The following SDHAF3 variants were observed in gnomAD, a reference collection of about 807,000 sequenced individuals.
SDHAF3 encodes succinate dehydrogenase complex assembly factor 3, also known as succinate dehydrogenase assembly factor 3, mitochondrial.
SDHAF3 carries 18 observed loss-of-function variants against 11.5 expected under a neutral mutation model. That is an observed-to-expected ratio of 1.56 (90% CI 1.08 to 2.32). The LOEUF (loss-of-function observed/expected upper bound fraction) is 2.32. Ranked by LOEUF, SDHAF3 falls within the 30% of genes most tolerant of loss-of-function variation. The probability of loss-of-function intolerance (pLI) is 0.00; values close to 1 mark genes in which losing one functional copy is unlikely to be tolerated. For missense variants in SDHAF3, 200 were observed against 154.4 expected, an observed-to-expected ratio of 1.30 and a Z score of -1.57; for synonymous variants, 72 against 59.3, an observed-to-expected ratio of 1.21 and a Z score of -0.99.
At chr7:97,133,598 G>T (rs1338560838) in intron 1 of SDHAF3, among the ~76,000 whole-genome samples, 1 of 152,092 alleles carries the variant, frequency 6.6e-6, no homozygotes, top group Non-Finnish European at 1.5e-5. Flanking sequence ...TTCTGTTGAG[G>T]TATTATTGTT....
At chr7:97,138,412 C>T (rs1206936860) in intron 1 of SDHAF3, among the ~76,000 whole-genome samples, 1 of 152,198 alleles carries the variant, frequency 6.6e-6, no homozygotes, top group Non-Finnish European at 1.5e-5. Context: ...ATCCACCTGC[C>T]TTGGCCTCCC....
At chr7:97,140,042 T>C (rs1413689084) in intron 1 of SDHAF3, among the ~76,000 whole-genome samples, 1 of 152,170 alleles carries the variant, frequency 6.6e-6, no homozygotes, top group African/African-American at 2.4e-5. Context: ...CATTAAAAAC[T>C]GTGCAAAATC....
At position 97,157,039 on chromosome 7, in the gene SDHAF3, G is replaced by C. The variant is rs57083772; in HGVS notation, c.175-23973G>C. 4.9e-3 allele frequency among the ~76,000 whole-genome samples: 749 copies of C among 152,090 alleles called. 8 individuals are homozygous for C. The highest frequency in any genetic ancestry group is 0.017 in the African/African-American group (708 of 41,498). On this transcript the variant is annotated intron_variant, in intron 1 of 1. Transcript: ENST00000432641. ...CTCATTGTTCACCTCCCACTTTTAA[G>C]TGAGAACATGTGGTGTTTGGTTTTC... is the stretch of plus-strand genomic sequence containing the variant.
chr7:97,124,904 G>T (rs138966933), intron 1 of SDHAF3, among the ~76,000 whole-genome samples: 10 of 152,208 alleles, frequency 6.6e-5, no homozygotes, highest in Non-Finnish European at 5.9e-5. Flanking sequence ...GGGCTGAGAC[G>T]ATGGGGTTTT....
At chr7:97,121,808 G>T (rs7789931) in intron 1 of SDHAF3, among the ~76,000 whole-genome samples, 1 of 151,296 alleles carries the variant, frequency 6.6e-6, no homozygotes, top group African/African-American at 2.4e-5. Flanking sequence ...ATATGCAGAG[G>T]CATCGAGGTA....
At chr7:97,159,075 A>G (rs547308839) in intron 1 of SDHAF3, among the ~76,000 whole-genome samples, 1 of 152,364 alleles carries the variant, frequency 6.6e-6, no homozygotes, top group South Asian at 2.1e-4. Flanking sequence ...ATTATTTTCC[A>G]GCAAAATGGC....
chr7:97,124,904 G>A (rs138966933), intron 1 of SDHAF3, among the ~76,000 whole-genome samples: 2,994 of 152,206 alleles, frequency 0.02, 42 homozygotes, highest in South Asian at 0.051. Context: ...GGGCTGAGAC[G>A]ATGGGGTTTT....
chr7:97,148,883 C>T (rs1447871866), intron 1 of SDHAF3, among the ~76,000 whole-genome samples: 1 of 150,320 alleles, frequency 6.7e-6, no homozygotes, highest in Non-Finnish European at 1.5e-5. Flanking sequence ...TCTCCATGTA[C>T]AGTAATTTAA....
intron 1 of SDHAF3, among the ~76,000 whole-genome samples, chr7:97,175,029 G>C (rs868475888): frequency 1.3e-5 from 2 of 151,936 alleles, no homozygotes; most frequent in Non-Finnish European, 2.9e-5. Flanking sequence ...TGGTTTTCTT[G>C]TTGTTGTTGT....
rs552316098 is a variant in SDHAF3 at position 97,139,284 on chromosome 7, G to A, written c.174+21387G>A. ...GTGGAGAGGGGACTCAAAGTGAGTG[G>A]TCCCCCACCTGAAGGTGGGTAGTCC... On this transcript the variant is annotated intron_variant, in intron 1 of 1. Coordinates refer to ENST00000432641, the MANE Select transcript of SDHAF3 (RefSeq NM_020186.3). Among the ~76,000 whole-genome samples, 4 of 152,274 alleles carry A rather than the reference G, an allele frequency of 2.6e-5. No homozygotes were observed. The East Asian group carries it at 7.7e-4, about 29-fold the overall frequency.
chr7:97,129,672 G>A (rs964504291), intron 1 of SDHAF3, among the ~76,000 whole-genome samples: 38 of 152,150 alleles, frequency 2.5e-4, no homozygotes, highest in African/African-American at 7.2e-4. Flanking sequence ...TTTCAGTGCC[G>A]CTTTGCCAGC....
At chr7:97,137,136 C>T (rs1001037090) in intron 1 of SDHAF3, among the ~76,000 whole-genome samples, 6 of 152,040 alleles carry the variant, frequency 3.9e-5, no homozygotes, top group Admixed American at 6.6e-5. Flanking sequence ...ACATTGGGAA[C>T]TTGTCCACAT....
chr7:97,140,851 A>G (rs1360258493), intron 1 of SDHAF3, among the ~76,000 whole-genome samples: 1 of 152,264 alleles, frequency 6.6e-6, no homozygotes, highest in African/African-American at 2.4e-5. Flanking sequence ...TTGAAAAAAG[A>G]ACAGGATAAC....
chr7:97,170,353 A>C (rs1789586974), intron 1 of SDHAF3, among the ~76,000 whole-genome samples: 1 of 152,220 alleles, frequency 6.6e-6, no homozygotes, highest in African/African-American at 2.4e-5. Context: ...CTAAATGATC[A>C]GGAAAATGTA....
At chr7:97,139,885 C>G (rs1196366829) in intron 1 of SDHAF3, among the ~76,000 whole-genome samples, 1 of 152,208 alleles carries the variant, frequency 6.6e-6, no homozygotes, top group African/African-American at 2.4e-5. Flanking sequence ...TTCCAATTGT[C>G]AGTACCTCTG....
chr7:97,141,556 G>A (rs1789041542), intron 1 of SDHAF3, among the ~76,000 whole-genome samples: 1 of 152,138 alleles, frequency 6.6e-6, no homozygotes, highest in Admixed American at 6.5e-5. Context: ...TATCGGGGGT[G>A]AATTTCCCCC....
At chr7:97,168,105 G>T (rs947488581) in intron 1 of SDHAF3, among the ~76,000 whole-genome samples, 1 of 152,182 alleles carries the variant, frequency 6.6e-6, no homozygotes, top group Non-Finnish European at 1.5e-5. Context: ...TGTGAGGTGG[G>T]AGCTTGCTGG....
chr7:97,171,575 A>AC (rs1194141696), intron 1 of SDHAF3, among the ~76,000 whole-genome samples: 1 of 152,052 alleles, frequency 6.6e-6, no homozygotes, highest in African/African-American at 2.4e-5. Context: ...TTTTAATGGG[A>AC]CATGTCATAT....
At chr7:97,143,035 G>C (rs571697087) in intron 1 of SDHAF3, among the ~76,000 whole-genome samples, 1 of 151,572 alleles carries the variant, frequency 6.6e-6, no homozygotes, top group African/African-American at 2.4e-5. Flanking sequence ...GAGTAGCTGG[G>C]ATTACAGGCA....
Sources: gnomAD v4.1 joint callset for allele counts (sites outside exome capture counted in the v4.1 genomes callset) on GRCh38, gnomAD v4.1.1 for gene constraint, MANE v1.5 for transcripts, NCBI Gene and HGNC (gene_info 2026-07-23, HGNC 2026-07-21) for gene names.